ASIC2: variants seen among roughly 807,000 people sequenced by gnomAD.
ASIC2 encodes the protein acid sensing ion channel subunit 2.
Under a neutral mutation model 57.3 loss-of-function variants are expected in ASIC2, and 25 were observed. The ratio of observed to expected loss-of-function variants is 0.44; its 90% CI spans 0.32 to 0.61. ASIC2 has a LOEUF of 0.61. ASIC2 is among the 20% of genes least tolerant of loss of function. The pLI is 0.06. For missense variants in ASIC2, 641 were observed against 738.1 expected (o/e 0.87, Z 1.52); for synonymous variants, 319 against 307.5 (o/e 1.04, Z -0.39).
chr17:34,099,441 AAGAG>A (rs1338869120), intron 1 of ASIC2, among the ~76,000 whole-genome samples: 1 of 120,008 alleles, frequency 8.3e-6, no homozygotes, highest in Non-Finnish European at 2.0e-5. Flanking sequence ...GAAGAAAAGA[AAGAG>A]AAAGAAAGAA....
At chr17:34,110,166 A>C (rs974414748) in intron 1 of ASIC2, among the ~76,000 whole-genome samples, 1 of 152,208 alleles carries the variant, frequency 6.6e-6, no homozygotes, top group Non-Finnish European at 1.5e-5. Context: ...AACAACCTTA[A>C]GGAGATGCTC....
intron 1 of ASIC2, among the ~76,000 whole-genome samples, chr17:33,448,049 TAATAA>T (rs67408111): frequency 0.36 from 50,541 of 139,678 alleles, 9,358 homozygotes; most frequent in African/African-American, 0.43. Flanking sequence ...TCTTTATGCA[TAATAA>T]AATAAAATAA....
At chr17:33,731,186 G>A (rs572495504) in intron 1 of ASIC2, among the ~76,000 whole-genome samples, 15 of 152,314 alleles carry the variant, frequency 9.8e-5, no homozygotes, top group African/African-American at 3.4e-4. Flanking sequence ...CAGGTGTGGG[G>A]AAATGTTTAG....
At chr17:34,084,239 G>GTGGCTAGCCAGTTTTCAACATA (rs1555593970) in intron 1 of ASIC2, among the ~76,000 whole-genome samples, 5 of 151,488 alleles carry the variant, frequency 3.3e-5, no homozygotes, top group Non-Finnish European at 7.4e-5. Context: ...CTTTCTACAT[G>GTGGCTAGCCAGTTTTCAACATA]TGGCTAGCCA....
intron 1 of ASIC2, among the ~76,000 whole-genome samples, chr17:33,450,699 A>G (rs1912214500): frequency 6.6e-6 from 1 of 152,190 alleles, no homozygotes; most frequent in Non-Finnish European, 1.5e-5. Flanking sequence ...ATCAAGAGGG[A>G]TGCACAGAAA....
chr17:34,102,398 A>T (rs1162748847), intron 1 of ASIC2, among the ~76,000 whole-genome samples: 1 of 152,164 alleles, frequency 6.6e-6, no homozygotes, highest in African/African-American at 2.4e-5. Context: ...TGCATCATGT[A>T]TCTCTAGCCA....
chr17:34,112,376 C>T (rs1324889962), intron 1 of ASIC2, among the ~76,000 whole-genome samples: 1 of 149,184 alleles, frequency 6.7e-6, no homozygotes, highest in Non-Finnish European at 1.5e-5. Flanking sequence ...TATTAGCTAA[C>T]AAACTAAATA....
intron 1 of ASIC2, among the ~76,000 whole-genome samples, chr17:33,349,547 C>T (rs1908079550): frequency 6.6e-6 from 1 of 152,218 alleles, no homozygotes; most frequent in Non-Finnish European, 1.5e-5. Flanking sequence ...CTTTGTTCTT[C>T]CTGCTCCCCT....
At chr17:33,533,623 A>C (rs1915128832) in intron 1 of ASIC2, 1 of 152,204 alleles carries the variant, frequency 6.6e-6, no homozygotes, top group African/African-American at 2.4e-5. Context: ...TAAGGATAAA[A>C]AGTCTGCCCC....
intron 1 of ASIC2, among the ~76,000 whole-genome samples, chr17:33,539,932 C>T (rs1263876157): frequency 6.6e-6 from 1 of 152,162 alleles, no homozygotes; most frequent in Admixed American, 6.5e-5. Context: ...GCAGGGACAG[C>T]GGAGTGTTCC....
chr17:33,117,852 C>T (rs114888230), intron 1 of ASIC2, among the ~76,000 whole-genome samples: 2,609 of 152,164 alleles, frequency 0.017, 74 homozygotes, highest in African/African-American at 0.06. Context: ...GTTATGAAGA[C>T]GGGGTCAGAG....
intron 1 of ASIC2, among the ~76,000 whole-genome samples, chr17:33,590,638 A>C: frequency 6.6e-6 from 1 of 150,948 alleles, no homozygotes; most frequent in East Asian, 2.0e-4. Context: ...ACTACACCCC[A>C]ATCTCTACAC....
At chr17:33,503,586 G>A (rs1458660225) in intron 1 of ASIC2, among the ~76,000 whole-genome samples, 1 of 152,048 alleles carries the variant, frequency 6.6e-6, no homozygotes, top group African/African-American at 2.4e-5. Context: ...CTCTGTTGCT[G>A]GCCCACAGAG....
intron 1 of ASIC2, among the ~76,000 whole-genome samples, chr17:33,717,412 G>A (rs184979677): frequency 3.0e-4 from 46 of 152,350 alleles, no homozygotes; most frequent in African/African-American, 9.6e-4. Flanking sequence ...TAGCTGGCAA[G>A]GGTGCAGGTG....
At chr17:33,166,300 G>T (rs1337827329) in intron 1 of ASIC2, among the ~76,000 whole-genome samples, 1 of 152,114 alleles carries the variant, frequency 6.6e-6, no homozygotes, top group African/African-American at 2.4e-5. Flanking sequence ...CCCATAATAG[G>T]TGCTTATTAA....
chr17:34,052,452 C>T (rs537892321), intron 1 of ASIC2, among the ~76,000 whole-genome samples: 1 of 152,158 alleles, frequency 6.6e-6, no homozygotes, highest in African/African-American at 2.4e-5. Context: ...GGAGTCTACA[C>T]GGAGAATGGC....
At chr17:33,363,852 T>C (rs562711248) in intron 1 of ASIC2, among the ~76,000 whole-genome samples, 5 of 152,310 alleles carry the variant, frequency 3.3e-5, no homozygotes, top group African/African-American at 7.2e-5. Flanking sequence ...GGAATATTAA[T>C]GGCACTCCCT....
intron 1 of ASIC2, among the ~76,000 whole-genome samples, chr17:33,394,337 T>C (rs920898893): frequency 9.9e-5 from 15 of 152,226 alleles, no homozygotes; most frequent in Admixed American, 9.8e-4. Context: ...GGGTAGAGCA[T>C]CAGCTCTCAG....
chr17:33,698,215 A>G (rs547682586), intron 1 of ASIC2, among the ~76,000 whole-genome samples: 1 of 152,298 alleles, frequency 6.6e-6, no homozygotes, highest in South Asian at 2.1e-4. Context: ...ATGAATCCCT[A>G]TAGTGTAGCG....
Sources: allele counts gnomAD v4.1 joint callset (sites outside exome capture counted in the v4.1 genomes callset), GRCh38; gene constraint gnomAD v4.1.1; transcripts MANE v1.5; gene names NCBI Gene and HGNC (gene_info 2026-07-23, HGNC 2026-07-21).